Variants in LIPA observed in about 807,000 individuals in gnomAD.
The protein encoded by LIPA is lysosomal acid lipase/cholesteryl ester hydrolase.
In LIPA, 26 loss-of-function variants were observed where a neutral mutation model predicts 40.6. That is an observed-to-expected ratio of 0.64 (90% confidence interval 0.47 to 0.89). LIPA has a LOEUF of 0.89. LIPA is among the 40% of genes least tolerant of loss of function. LIPA has a pLI of 0.00. For missense variants in LIPA, 455 were observed against 479.6 expected (o/e 0.95, Z 0.48); for synonymous variants, 188 against 168.4 (o/e 1.12, Z -0.90).
chr10:89,377,109 G>A (rs1242020024), intron 2 of LIPA, among the ~76,000 whole-genome samples: 1 of 152,174 alleles, frequency 6.6e-6, no homozygotes, highest in Non-Finnish European at 1.5e-5. Context: ...CAGAATAGCA[G>A]CTTTCCAAAT....
intron 2 of LIPA, among the ~76,000 whole-genome samples, chr10:89,358,589 C>A (rs991659498): frequency 6.6e-6 from 1 of 152,136 alleles, no homozygotes; most frequent in Non-Finnish European, 1.5e-5. Context: ...TATTATTCAA[C>A]TATAAAAAAG....
At chr10:89,347,753 T>C (rs975879236) in intron 2 of LIPA, among the ~76,000 whole-genome samples, 2 of 152,176 alleles carry the variant, frequency 1.3e-5, no homozygotes, top group African/African-American at 4.8e-5. Context: ...TACATGTCTA[T>C]ATTAAACTTT....
At chr10:89,347,841 T>C (rs975888812) in intron 2 of LIPA, among the ~76,000 whole-genome samples, 1 of 152,178 alleles carries the variant, frequency 6.6e-6, no homozygotes, top group African/African-American at 2.4e-5. Context: ...GACAGTGTCA[T>C]GACAGTCAGG....
intron 1 of LIPA, among the ~76,000 whole-genome samples, chr10:89,277,304 A>T (rs1261634807): frequency 6.6e-6 from 1 of 152,264 alleles, no homozygotes; most frequent in Admixed American, 6.5e-5. Context: ...CAAGTTATGT[A>T]ATCCTTTTGA....
chr10:89,297,251 G>A (rs1471925446), intron 1 of LIPA, among the ~76,000 whole-genome samples: 1 of 152,164 alleles, frequency 6.6e-6, no homozygotes, highest in Non-Finnish European at 1.5e-5. Context: ...TGAAACATGA[G>A]AGAGTTTCTC....
chr10:89,252,928 A>T (rs1184446748), upstream of LIPA, among the ~76,000 whole-genome samples: 2 of 152,202 alleles, frequency 1.3e-5, no homozygotes, highest in Admixed American at 1.3e-4. Context: ...ATACTGGAGA[A>T]AGCACATTCT....
intron 3 of LIPA, 78 bp from the exon 4 acceptor site, chr10:89,228,476 C>T (rs750998597): frequency 2.7e-5 from 32 of 1,168,108 alleles, no homozygotes; most frequent in African/African-American, 6.0e-5. Flanking sequence ...ATAGAACATT[C>T]GTAAAAGATC....
At chr10:89,276,130 A>G (rs993157298) in intron 1 of LIPA, among the ~76,000 whole-genome samples, 8 of 152,230 alleles carry the variant, frequency 5.3e-5, no homozygotes, top group Admixed American at 4.6e-4. Context: ...CACTTAATGC[A>G]CATTAAGAAG....
chr10:89,302,883 G>A (rs1843454315), intron 1 of LIPA, among the ~76,000 whole-genome samples: 1 of 152,038 alleles, frequency 6.6e-6, no homozygotes, highest in South Asian at 2.1e-4. Flanking sequence ...GGGAGCTCTG[G>A]AATCCCGTGT....
intron 2 of LIPA, among the ~76,000 whole-genome samples, chr10:89,357,033 A>T (rs627524): frequency 2.8e-4 from 43 of 152,034 alleles, no homozygotes; most frequent in Non-Finnish European, 5.4e-4. Context: ...CAACCAGCCC[A>T]CATAATGAAC....
intron 1 of LIPA, among the ~76,000 whole-genome samples, chr10:89,330,752 A>G (rs1843641764): frequency 1.2e-5 from 1 of 86,206 alleles, no homozygotes; most frequent in Admixed American, 1.0e-4. Context: ...CCCTTCACTC[A>G]AGATGCCTGA....
At chr10:89,242,582 TAC>T (rs1327829991) in intron 3 of LIPA, among the ~76,000 whole-genome samples, 1 of 152,204 alleles carries the variant, frequency 6.6e-6, no homozygotes, top group Non-Finnish European at 1.5e-5. Context: ...CAAGTGAGGC[TAC>T]ACAGTCAGTC....
intron 3 of LIPA, 23 bp from the exon 4 acceptor site, chr10:89,228,421 G>A: frequency 6.3e-7 from 1 of 1,599,992 alleles, no homozygotes; most frequent in East Asian, 2.2e-5. Context: ...CATTGTTTAG[G>A]AGGCAGTAGC....
chr10:89,291,423 G>C (rs1466448700), intron 1 of LIPA, among the ~76,000 whole-genome samples: 2 of 152,106 alleles, frequency 1.3e-5, no homozygotes, highest in Admixed American at 1.3e-4. Context: ...CCTATTTTGT[G>C]ATTTGTTGCC....
At chr10:89,320,319 C>T (rs1210010248) in intron 1 of LIPA, among the ~76,000 whole-genome samples, 4 of 152,112 alleles carry the variant, frequency 2.6e-5, no homozygotes, top group Non-Finnish European at 5.9e-5. Context: ...TTAGAAAACC[C>T]CATAGTCTCA....
intron 2 of LIPA, chr10:89,405,294 T>C (rs1844512237): frequency 6.6e-6 from 1 of 152,210 alleles, no homozygotes; most frequent in Admixed American, 6.5e-5. Flanking sequence ...TACATGAAAA[T>C]GTTGCTAAAT....
intron 2 of LIPA, among the ~76,000 whole-genome samples, chr10:89,359,174 A>G (rs1844005459): frequency 6.6e-6 from 1 of 152,148 alleles, no homozygotes; most frequent in African/African-American, 2.4e-5. Context: ...AGGAAGCTTG[A>G]TGTGGGCCTC....
At chr10:89,233,439 T>A (rs977867555) in intron 3 of LIPA, among the ~76,000 whole-genome samples, 1 of 152,150 alleles carries the variant, frequency 6.6e-6, no homozygotes, top group Admixed American at 6.5e-5. Flanking sequence ...AGGTGAAAAG[T>A]TTTTAATGGA....
chr10:89,347,787 G>C (rs7081163), intron 2 of LIPA, among the ~76,000 whole-genome samples: 10,511 of 152,210 alleles, frequency 0.069, 910 homozygotes, highest in African/African-American at 0.2. Context: ...CATCACAGCT[G>C]AGGCCAGGAA....
Sources: allele counts gnomAD v4.1 joint callset (sites outside exome capture counted in the v4.1 genomes callset), GRCh38; gene constraint gnomAD v4.1.1; transcripts MANE v1.5; gene names NCBI Gene and HGNC (gene_info 2026-07-23, HGNC 2026-07-21).